Variants in HPSE2 observed in about 807,000 individuals in gnomAD.
HPSE2 encodes heparanase 2 (inactive).
HPSE2 carries 38 observed loss-of-function variants against 60.5 expected under a neutral mutation model. The observed-to-expected ratio is 0.63, with a 90% CI of 0.48 to 0.82. The LOEUF (loss-of-function observed/expected upper bound fraction) is 0.82, where lower values mean the gene tolerates loss of function less well. Ranked by LOEUF, HPSE2 falls within the 40% of genes least tolerant of loss-of-function variation. HPSE2 has a pLI of 0.00. For missense variants in HPSE2, 713 were observed against 740.4 expected (o/e 0.96, Z 0.43); for synonymous variants, 295 against 293.2 (o/e 1.01, Z -0.06).
chr10:99,283,019 C>T, the HPSE2 span, among the ~76,000 whole-genome samples: 1 of 151,838 alleles, frequency 6.6e-6, no homozygotes, highest in East Asian at 1.9e-4. Context: ...CCCGACTCTA[C>T]TAAAAATACA....
chr10:98,912,363 T>C (rs1480194986), intron 3 of HPSE2, among the ~76,000 whole-genome samples: 1 of 152,198 alleles, frequency 6.6e-6, no homozygotes, highest in Non-Finnish European at 1.5e-5. Context: ...TTCTACTTCA[T>C]TGGCTAAAGA....
intron 9 of HPSE2, among the ~76,000 whole-genome samples, chr10:98,522,635 C>T (rs1255020004): frequency 2.0e-5 from 3 of 152,138 alleles, no homozygotes; most frequent in Non-Finnish European, 4.4e-5. Context: ...CCACAATGCC[C>T]GGCTAATTTT....
At chr10:99,165,567 G>C (rs12253601) in intron 2 of HPSE2, among the ~76,000 whole-genome samples, 2,378 of 103,766 alleles carry the variant, frequency 0.023, 65 homozygotes, top group African/African-American at 0.073. Flanking sequence ...TTATTTTTGA[G>C]ATGGAGTCTC....
intron 3 of HPSE2, among the ~76,000 whole-genome samples, chr10:98,774,390 CAA>C (rs1171196853): frequency 6.6e-6 from 1 of 152,002 alleles, no homozygotes; most frequent in Non-Finnish European, 1.5e-5. Context: ...AAACAAACAA[CAA>C]AAAAAGTAGT....
chr10:99,039,283 G>A (rs569177231), intron 3 of HPSE2, among the ~76,000 whole-genome samples: 39 of 152,138 alleles, frequency 2.6e-4, no homozygotes, highest in Non-Finnish European at 4.9e-4. Context: ...TGTCCTGTTG[G>A]TCATTCTCTC....
At chr10:99,080,164 A>G (rs752282462) in intron 3 of HPSE2, among the ~76,000 whole-genome samples, 2 of 152,280 alleles carry the variant, frequency 1.3e-5, no homozygotes, top group Middle Eastern at 6.8e-3. Context: ...AGGAAAGGAG[A>G]GTCTAGAGCT....
chr10:99,111,379 G>A (rs981831188), intron 3 of HPSE2, among the ~76,000 whole-genome samples: 1 of 152,054 alleles, frequency 6.6e-6, no homozygotes, highest in Non-Finnish European at 1.5e-5. Flanking sequence ...CTGTAATTCT[G>A]TAAGCTACAG....
At chr10:98,651,528 A>C (rs1354019015) in intron 6 of HPSE2, among the ~76,000 whole-genome samples, 1 of 152,154 alleles carries the variant, frequency 6.6e-6, no homozygotes, top group Non-Finnish European at 1.5e-5. Context: ...TCTTTTAAAA[A>C]ATTTCAAGGA....
intron 3 of HPSE2, among the ~76,000 whole-genome samples, chr10:99,071,606 T>C (rs914810027): frequency 4.6e-5 from 7 of 152,264 alleles, no homozygotes; most frequent in Admixed American, 1.3e-4. Context: ...CTTTGTTGTC[T>C]GTGCTTTTGG....
intron 3 of HPSE2, among the ~76,000 whole-genome samples, chr10:99,137,413 C>CA (rs1845700048): frequency 1.3e-5 from 2 of 152,040 alleles, no homozygotes; most frequent in Non-Finnish European, 2.9e-5. Context: ...CATATGAAAC[C>CA]AAAAAAGAGC....
At chr10:98,978,402 T>C (rs1956135400) in intron 3 of HPSE2, among the ~76,000 whole-genome samples, 2 of 152,180 alleles carry the variant, frequency 1.3e-5, no homozygotes, top group Non-Finnish European at 2.9e-5. Flanking sequence ...TATTATCAAT[T>C]TAGAATGAAT....
intron 3 of HPSE2, among the ~76,000 whole-genome samples, chr10:99,000,182 A>C (rs1956745048): frequency 6.6e-6 from 1 of 152,194 alleles, no homozygotes; most frequent in African/African-American, 2.4e-5. Context: ...GGAAAACAAG[A>C]GAAAGTGTGT....
At chr10:99,132,201 G>A (rs867298082) in intron 3 of HPSE2, among the ~76,000 whole-genome samples, 181 of 16,962 alleles carry the variant, frequency 0.011, 5 homozygotes, top group Admixed American at 0.024. Flanking sequence ...AAGAGAGAGA[G>A]AGAGAGAGAG....
chr10:98,855,908 G>A (rs549800254), intron 3 of HPSE2, among the ~76,000 whole-genome samples: 10 of 152,140 alleles, frequency 6.6e-5, no homozygotes, highest in African/African-American at 2.2e-4. Context: ...CAGGAACATT[G>A]AGAAAAATCC....
At chr10:98,785,717 T>C (rs533585147) in intron 3 of HPSE2, among the ~76,000 whole-genome samples, 1 of 138,680 alleles carries the variant, frequency 7.2e-6, no homozygotes, top group African/African-American at 2.7e-5. Flanking sequence ...CTAGATTTTC[T>C]AGTTTATTTG....
the HPSE2 span, among the ~76,000 whole-genome samples, chr10:99,252,767 C>T: frequency 6.6e-6 from 1 of 151,626 alleles, no homozygotes; most frequent in African/African-American, 2.4e-5. Context: ...GTCCCAGCTA[C>T]TCGAGAGGCT....
At chr10:98,654,374 C>A (rs1947002153) in intron 6 of HPSE2, among the ~76,000 whole-genome samples, 1 of 152,136 alleles carries the variant, frequency 6.6e-6, no homozygotes, top group Non-Finnish European at 1.5e-5. Context: ...GTACATTACA[C>A]ATTTTGAAAT....
At chr10:99,022,242 G>C (rs951078895) in intron 3 of HPSE2, among the ~76,000 whole-genome samples, 1 of 151,944 alleles carries the variant, frequency 6.6e-6, no homozygotes, top group Non-Finnish European at 1.5e-5. Flanking sequence ...TCCTGATAAA[G>C]AAGAAAAGAA....
chr10:98,526,863 CTG>C (rs1469137814), intron 9 of HPSE2, among the ~76,000 whole-genome samples: 16 of 152,266 alleles, frequency 1.1e-4, no homozygotes, highest in Admixed American at 6.5e-4. Context: ...CAGGGTCCAA[CTG>C]TGTTACTATG....
Sources: gnomAD v4.1 joint callset for allele counts (sites outside exome capture counted in the v4.1 genomes callset) on GRCh38, gnomAD v4.1.1 for gene constraint, MANE v1.5 for transcripts, NCBI Gene and HGNC (gene_info 2026-07-23, HGNC 2026-07-21) for gene names.